FAM117B: variants seen among roughly 807,000 people sequenced by gnomAD.
FAM117B encodes family with sequence similarity 117 member B.
A neutral mutation model predicts 52.8 loss-of-function variants in FAM117B; 22 were observed. The observed-to-expected ratio is 0.42, with a 90% CI of 0.30 to 0.59. The LOEUF (loss-of-function observed/expected upper bound fraction) is 0.59. Among genes scored for constraint, FAM117B ranks in the 20% least tolerant of loss-of-function variants. FAM117B has a pLI of 0.22. For missense variants in FAM117B, 678 were observed against 802.6 expected (o/e 0.84, Z 1.88); for synonymous variants, 309 against 324.1 (o/e 0.95, Z 0.50).
At chr2:202,746,952 AAAAAAC>A (rs1460482430) in intron 4 of FAM117B, among the ~76,000 whole-genome samples, 12 of 110,036 alleles carry the variant, frequency 1.1e-4, no homozygotes, top group Admixed American at 3.6e-4. Context: ...CCACCGGAAA[AAAAAAC>A]AAAACAAAAA....
chr2:202,658,892 G>GGTTTT (rs1199751791), intron 1 of FAM117B, among the ~76,000 whole-genome samples: 13 of 151,774 alleles, frequency 8.6e-5, no homozygotes, highest in Non-Finnish European at 1.8e-4. Flanking sequence ...AAATTTGGAA[G>GGTTTT]GTTTTGTTTT....
At chr2:202,736,217 GTTT>G (rs1691435573) in intron 4 of FAM117B, among the ~76,000 whole-genome samples, 1 of 152,170 alleles carries the variant, frequency 6.6e-6, no homozygotes, top group African/African-American at 2.4e-5. Context: ...ATTTTTAAAA[GTTT>G]TTTGCCGTTT....
chr2:202,709,188 TC>T (rs932177737), intron 2 of FAM117B, among the ~76,000 whole-genome samples: 5 of 152,030 alleles, frequency 3.3e-5, no homozygotes, highest in Admixed American at 1.3e-4. Context: ...CTTTTTTTTT[TC>T]CCCAAGTCCT....
chr2:202,685,139 T>C (rs1226729642), intron 1 of FAM117B, among the ~76,000 whole-genome samples: 1 of 152,078 alleles, frequency 6.6e-6, no homozygotes, highest in East Asian at 1.9e-4. Flanking sequence ...CCCGCTACTA[T>C]GCCTGGCTAA....
chr2:202,765,805 C>T lies in FAM117B; in HGVS notation c.*41C>T, dbSNP rs1387065632. Reference sequence around the variant, plus strand: ...GGCTGTTGTTCTGGGAAATTGGGAACCTCCTCAGATCACTGGATTCTGATG... The same window carrying T: ...GGCTGTTGTTCTGGGAAATTGGGAATCTCCTCAGATCACTGGATTCTGATG... On this transcript the variant is annotated 3_prime_UTR_variant, in exon 8 of 8. Coordinates refer to ENST00000392238, the MANE Select transcript of FAM117B (RefSeq NM_173511.4). 2 of 1,584,018 alleles carry T rather than the reference C, an allele frequency of 1.3e-6. No homozygotes were observed. The highest frequency in any genetic ancestry group is 1.7e-6 in the Non-Finnish European group (2 of 1,161,056).
intron 1 of FAM117B, among the ~76,000 whole-genome samples, chr2:202,671,842 A>G (rs1411673870): frequency 2.6e-5 from 4 of 152,120 alleles, no homozygotes; most frequent in African/African-American, 4.8e-5. Context: ...TGACTTAGCA[A>G]TGGTTTATCA....
chr2:202,766,030 A>T lies in FAM117B; in HGVS notation c.*266A>T. On this transcript the variant is annotated 3_prime_UTR_variant, in exon 8 of 8. Transcript: ENST00000392238. ...TCTTTACCTTTGGAGAGACAATATC[A>T]CGTTTTTGTTTTCGAATTAGACTTC... is the stretch of plus-strand genomic sequence containing the variant. The T allele has an allele frequency of 2.6e-6, 1 of 383,586 alleles. No homozygotes were observed. Among genetic ancestry groups the T allele is most frequent in the Non-Finnish European group, 4.8e-6 (1 of 208,292 alleles). 23.8% of individuals were successfully genotyped at this position (383,586 alleles called of 1,614,324 possible). A position where few individuals can be genotyped will look rare whatever the true frequency, so the allele number is the denominator to read the frequency against.
intron 1 of FAM117B, among the ~76,000 whole-genome samples, chr2:202,691,609 C>CT (rs1223295527): frequency 6.7e-6 from 1 of 148,638 alleles, no homozygotes; most frequent in Admixed American, 6.7e-5. Context: ...TGCCAGACAG[C>CT]TTTTAGCCAT....
chr2:202,690,784 G>A (rs927976694), intron 1 of FAM117B, among the ~76,000 whole-genome samples: 20 of 152,100 alleles, frequency 1.3e-4, no homozygotes, highest in African/African-American at 4.1e-4. Context: ...GTTTCTTACC[G>A]TGGATTTCCT....
chr2:202,638,495 G>T (rs910605272), intron 1 of FAM117B, among the ~76,000 whole-genome samples: 2 of 152,054 alleles, frequency 1.3e-5, no homozygotes, highest in Admixed American at 1.3e-4. Context: ...CTCTCTTCAT[G>T]GTTTTTGAAC....
chr2:202,714,522 C>CT (rs201682417), intron 2 of FAM117B, among the ~76,000 whole-genome samples: 26 of 123,828 alleles, frequency 2.1e-4, no homozygotes, highest in African/African-American at 3.3e-4. Flanking sequence ...GTTGTTATAT[C>CT]TTTTTTTTTT....
At chr2:202,744,824 A>C (rs766731430) in intron 4 of FAM117B, among the ~76,000 whole-genome samples, 17 of 151,658 alleles carry the variant, frequency 1.1e-4, no homozygotes, top group Non-Finnish European at 2.2e-4. Flanking sequence ...AAATACAAAA[A>C]AAATTAGCTG....
intron 2 of FAM117B, among the ~76,000 whole-genome samples, chr2:202,707,887 C>G (rs1271438357): frequency 6.6e-6 from 1 of 151,650 alleles, no homozygotes; most frequent in Non-Finnish European, 1.5e-5. Context: ...CCTGCCTCAG[C>G]CTCCCGAGTA....
At chr2:202,726,221 T>C in intron 3 of FAM117B, 29 bp from the exon 4 acceptor site, 5 of 1,490,392 alleles carry the variant, frequency 3.4e-6, no homozygotes, top group Non-Finnish European at 4.7e-6. Flanking sequence ...GAAAACACTC[T>C]GGTGTACTTG....
intron 1 of FAM117B, among the ~76,000 whole-genome samples, chr2:202,677,685 G>A (rs984427542): frequency 6.6e-6 from 1 of 152,130 alleles, no homozygotes; most frequent in Admixed American, 6.5e-5. Context: ...TCTTAATCTG[G>A]AGGGTAGGAT....
intron 4 of FAM117B, among the ~76,000 whole-genome samples, chr2:202,738,315 T>C (rs1405187706): frequency 6.6e-6 from 1 of 152,226 alleles, no homozygotes; most frequent in African/African-American, 2.4e-5. Context: ...TCTAAGGTAG[T>C]CTTTAAAGAA....
rs1461289140 is a variant in FAM117B at position 202,740,033 on chromosome 2, C to T, written c.960+13670C>T. ...CTAAAAATATAAAAAATTAGCCAGG[C>T]GTGGTGGCGGGCGCCTGTAGTCCCA... is the stretch of plus-strand genomic sequence containing the variant. On this transcript the variant is annotated intron_variant, in intron 4 of 7. Coordinates refer to ENST00000392238, the MANE Select transcript of FAM117B (RefSeq NM_173511.4). 6.6e-5 allele frequency among the ~76,000 whole-genome samples: 10 copies of T among 151,320 alleles called. No homozygotes were observed. The East Asian group carries it at 1.2e-3, about 18-fold the overall frequency.
At chr2:202,635,824 G>A in intron 1 of FAM117B, 36 bp downstream of exon 1, 2 of 1,395,520 alleles carry the variant, frequency 1.4e-6, no homozygotes, top group Non-Finnish European at 1.9e-6. Flanking sequence ...GGGGGAGGCG[G>A]CTGCGGGAAG....
At chr2:202,760,364 C>T (rs983803279) in intron 7 of FAM117B, among the ~76,000 whole-genome samples, 2 of 152,172 alleles carry the variant, frequency 1.3e-5, no homozygotes, top group African/African-American at 2.4e-5. Flanking sequence ...GAGTTCCTGC[C>T]GAAGGGACCT....
Sources: allele counts gnomAD v4.1 joint callset (sites outside exome capture counted in the v4.1 genomes callset), GRCh38; gene constraint gnomAD v4.1.1; transcripts MANE v1.5; gene names NCBI Gene and HGNC (gene_info 2026-07-23, HGNC 2026-07-21).